Variants in ANKRD52 observed in about 807,000 individuals in gnomAD.
The protein encoded by ANKRD52 is serine/threonine-protein phosphatase 6 regulatory ankyrin repeat subunit C.
In ANKRD52, 7 loss-of-function variants were observed where a neutral mutation model predicts 116.0. The observed-to-expected ratio is 0.06, with a 90% CI of 0.03 to 0.11. The LOEUF (loss-of-function observed/expected upper bound fraction) is 0.11, where lower values mean the gene tolerates loss of function less well. Ranked by LOEUF, ANKRD52 falls within the 10% of genes least tolerant of loss-of-function variation. The pLI, the probability that ANKRD52 is intolerant of heterozygous loss-of-function variation, is 1.00. For synonymous variants in ANKRD52, 528 were observed against 578.1 expected (o/e 0.91, Z 1.24); for missense variants, 839 against 1,408.6 (o/e 0.60, Z 6.47).
rs1282496195 is a variant in ANKRD52 at position 56,239,384 on chromosome 12, C to G, written c.*3758G>C. On this transcript the variant is annotated 3_prime_UTR_variant, in exon 28 of 28. Coordinates refer to ENST00000267116, the MANE Select transcript of ANKRD52 (RefSeq NM_173595.4). ...AGGGGCTGCTTTGTTCCTTATCCCT[C>G]CTTCTTAAAAGGTAGGGTTCAAACT... is the stretch of plus-strand genomic sequence containing the variant. The G allele has an allele frequency of 6.6e-6, 1 of 152,260 alleles. No individual in the cohort carries two copies. The highest frequency in any genetic ancestry group is 1.5e-5 in the Non-Finnish European group (1 of 68,072). 9.4% of individuals were successfully genotyped at this position (152,260 alleles called of 1,614,324 possible).
At chr12:56,256,057 G>A (rs532529683) in intron 4 of ANKRD52, 73 bp from the exon 5 acceptor site, 13 of 1,434,380 alleles carry the variant, frequency 9.1e-6, no homozygotes, top group Non-Finnish European at 1.2e-5. Context: ...AGGAGGAATA[G>A]GTCAGCATAG....
rs1249320180 is a variant in ANKRD52, at chr12:56,255,759, G to A, written c.462+25C>T. 6.5e-7 allele frequency: 1 copy of A among 1,534,628 alleles called. No homozygotes were observed. The highest frequency in any genetic ancestry group is 1.9e-5 in the Admixed American group (1 of 52,284). On this transcript the variant is annotated intron_variant, in intron 5 of 27. Coordinates refer to ENST00000267116, the MANE Select transcript of ANKRD52 (RefSeq NM_173595.4). The surrounding 1 kb of genome is among the most constrained non-coding windows in gnomAD (Gnocchi z 4.3). ...GGTAAGAAAAGGGAAAGCCCCAGCT[G>A]GGCCTGGATGGGAACAGTCCTCACC...
In ANKRD52 at chr12:56,255,723, G is replaced by A. The variant is rs1337584608; in HGVS notation, c.462+61C>T. On this transcript the variant is annotated intron_variant, in intron 5 of 27. Transcript: ENST00000267116. The surrounding 1 kb of genome is among the most constrained non-coding windows in gnomAD (Gnocchi z 4.3). ...CTTGAGGGCCCAGAAGCAGGGAAAC[G>A]TGAGTAGGAAGGTAAGAAAAGGGAA... 6.8e-6 allele frequency: 10 copies of A among 1,478,878 alleles called. No individual in the cohort carries two copies. The highest frequency in any genetic ancestry group is 3.7e-5 in the South Asian group (3 of 80,622). 91.6% of individuals were successfully genotyped at this position (1,478,878 alleles called of 1,614,324 possible). A position where few individuals can be genotyped will look rare whatever the true frequency, so the allele number is the denominator to read the frequency against.
At position 56,237,881 on chromosome 12, in the gene ANKRD52, A is replaced by G. The variant is rs1870985869; in HGVS notation, c.*5261T>C. The G allele has an allele frequency of 9.7e-7, 1 of 1,032,070 alleles. No individual in the cohort carries two copies. Among genetic ancestry groups the G allele is most frequent in the South Asian group, 1.9e-5 (1 of 52,120 alleles). The allele number at this position is 1,032,070 out of a possible 1,614,324, so 63.9% of individuals were successfully genotyped here. ...ACGACAGTTGTACTTGCACCAAAAC[A>G]GCATAGAAAACCAGAGTGTGGTGGG... On this transcript the variant is annotated 3_prime_UTR_variant, in exon 28 of 28. Transcript: ENST00000267116.
Position 56,253,453 on chromosome 12 carries a change from C to T in ANKRD52, c.986-51G>A. 7.0e-7 allele frequency: 1 copy of T among 1,428,224 alleles called. No homozygotes were observed. The highest frequency in any genetic ancestry group is 9.8e-7 in the Non-Finnish European group (1 of 1,017,260). The allele number at this position is 1,428,224 out of a possible 1,614,324, so 88.5% of individuals were successfully genotyped here. On this transcript the variant is annotated intron_variant, in intron 9 of 27. Transcript: ENST00000267116. This position sits in a 1 kb window ranked among gnomAD's most constrained non-coding sequence, Gnocchi z 5.5. ...CTCAGGCAGACCTCAGGCTTAAGAC[C>T]ACTTTCGCGAGCTAGCCATGATTTG... is the stretch of plus-strand genomic sequence containing the variant.
At chr12:56,250,252 A>G (rs1871622953) in intron 15 of ANKRD52, among the ~76,000 whole-genome samples, 1 of 151,662 alleles carries the variant, frequency 6.6e-6, no homozygotes. Flanking sequence ...TAAAATAGAG[A>G]TGAGTTCTCA....
rs1592385368 is a variant in ANKRD52 at position 56,241,872 on chromosome 12, T to C, written c.*1270A>G. Reference sequence around the variant, plus strand: ...TTGGGGTGCGACTTTAGAAATCTTATCAGTGCAGCCCCCAGCTCAATCCCA... The same window carrying C: ...TTGGGGTGCGACTTTAGAAATCTTACCAGTGCAGCCCCCAGCTCAATCCCA... On this transcript the variant is annotated 3_prime_UTR_variant, in exon 28 of 28. Transcript: ENST00000267116. The C allele has an allele frequency of 2.5e-6, 1 of 397,798 alleles. No homozygotes were observed. Among genetic ancestry groups the C allele is most frequent in the Non-Finnish European group, 4.4e-6 (1 of 226,030 alleles). The allele number at this position is 397,798 out of a possible 1,614,324, so 24.6% of individuals were successfully genotyped here. A position where few individuals can be genotyped will look rare whatever the true frequency, so the allele number is the denominator to read the frequency against.
At position 56,252,703 on chromosome 12, in the gene ANKRD52, T is replaced by C. The variant is rs151249716; in HGVS notation, c.1301+77A>G. On this transcript the variant is annotated intron_variant, in intron 12 of 27. Transcript: ENST00000267116. The surrounding 1 kb of genome is among the most constrained non-coding windows in gnomAD (Gnocchi z 4.7). ...TTCATTGTGAGAGGGGGAATAGATCTGGGCAGGCAAGAATGAGGGGCCCAG... is the reference window on the plus strand; with the variant it reads ...TTCATTGTGAGAGGGGGAATAGATCCGGGCAGGCAAGAATGAGGGGCCCAG... The C allele has an allele frequency of 1.7e-3, 2,604 of 1,551,966 alleles. 41 individuals are homozygous for C. In the African/African-American group the frequency reaches 0.031, roughly 19 times the overall value.
At chr12:56,250,208 T>C (rs1343011433) in intron 15 of ANKRD52, among the ~76,000 whole-genome samples, 1 of 151,408 alleles carries the variant, frequency 6.6e-6, no homozygotes, top group Non-Finnish European at 1.5e-5. Context: ...AATAAATAAA[T>C]AAATTAATTA....
At chr12:56,245,688 T>G in intron 20 of ANKRD52, 92 bp from the exon 21 acceptor site, 1 of 965,112 alleles carries the variant, frequency 1.0e-6, no homozygotes, top group Non-Finnish European at 1.5e-6. Context: ...AAGAACCACT[T>G]CCAGGGCTCC....
Position 56,253,573 on chromosome 12 carries a change from G to T in ANKRD52, c.985+149C>A. ...AGGAGACTGGGCAGGGCAGAGCAGG[G>T]CCATTTCCACAGGTCCCTTGGTCAG... On this transcript the variant is annotated intron_variant, in intron 9 of 27. Transcript: ENST00000267116. This position sits in a 1 kb window ranked among gnomAD's most constrained non-coding sequence, Gnocchi z 5.5. 2 of 968,690 alleles carry T rather than the reference G, an allele frequency of 2.1e-6. No homozygotes were observed. Among genetic ancestry groups the T allele is most frequent in the South Asian group, 1.6e-5 (1 of 62,864 alleles). The allele number at this position is 968,690 out of a possible 1,614,324, so 60.0% of individuals were successfully genotyped here.
In ANKRD52 at chr12:56,255,805, T is replaced by C. The variant is rs753342340; in HGVS notation, c.441A>G (p.Ala147=). 2.5e-6 allele frequency: 4 copies of C among 1,581,364 alleles called. No homozygotes were observed. The African/African-American group carries it at 5.4e-5, about 21-fold the overall frequency. The part of the protein sequence containing the change: ...DRSGRSALHH[A]VHSGHLETVN... ...TCACCTCAAGATGCCCACTATGCAC[T>C]GCATGGTGCAGAGCACTGCGCCCGC... The change falls in exon 5 of 28, where the codon GCA becomes GCG. Residue 147 remains alanine, a synonymous_variant. Coordinates refer to ENST00000267116, the MANE Select transcript of ANKRD52 (RefSeq NM_173595.4). The surrounding 1 kb of genome is among the most constrained non-coding windows in gnomAD (Gnocchi z 4.3).
rs947620128 is a variant in ANKRD52, at chr12:56,254,814, C to T, written c.550+51G>A. On this transcript the variant is annotated intron_variant, in intron 6 of 27. Transcript: ENST00000267116. The surrounding 1 kb of genome is among the most constrained non-coding windows in gnomAD (Gnocchi z 4.6). Reference sequence around the variant, plus strand: ...AAGGCTGCAACCCCACATCCCTGCCCTAGGAATCCTAAATGTCAAATTTCT... The same window carrying T: ...AAGGCTGCAACCCCACATCCCTGCCTTAGGAATCCTAAATGTCAAATTTCT... 1 of 1,604,250 alleles carries T rather than the reference C, an allele frequency of 6.2e-7. No individual in the cohort carries two copies.
Position 56,245,135 on chromosome 12 carries a change from T to C in ANKRD52, c.2460A>G (p.Glu820=). The part of the protein sequence containing the change: ...LLEHSPFSYL[E]GNPFTPLHCA... ...AGTGCAAAGGAGTGAAGGGGTTTCC[T>C]TCCAGGTACGAAAACGGGCTGTGTT... The change falls in exon 22 of 28, where the codon GAA becomes GAG. Residue 820 remains glutamate, a synonymous_variant. Coordinates refer to ENST00000267116, the MANE Select transcript of ANKRD52 (RefSeq NM_173595.4). The C allele has an allele frequency of 2.5e-6, 4 of 1,613,978 alleles. No homozygotes were observed. Among genetic ancestry groups the C allele is most frequent in the Non-Finnish European group, 3.4e-6 (4 of 1,179,880 alleles).
intron 18 of ANKRD52, 96 bp from the exon 19 acceptor site, chr12:56,247,870 C>A: frequency 1.4e-6 from 2 of 1,418,492 alleles, no homozygotes; most frequent in South Asian, 2.5e-5. Context: ...ACAGAAAGAC[C>A]TGGGCCAGGG....
chr12:56,246,919 CAATAATAATAATAATAAT>C (rs374443069), intron 20 of ANKRD52, among the ~76,000 whole-genome samples: 1,396 of 125,480 alleles, frequency 0.011, 10 homozygotes, highest in African/African-American at 0.012. Context: ...GACTCTATCT[CAATAATAATAATAATAAT>C]AATAATAATA....
chr12:56,249,006 C>G, intron 15 of ANKRD52, 136 bp from the exon 16 acceptor site: 1 of 586,312 alleles, frequency 1.7e-6, no homozygotes, highest in Non-Finnish European at 3.0e-6. Context: ...TAGGTAGGTT[C>G]TCTAAATCCT....
Position 56,252,702 on chromosome 12 carries a change from C to T in ANKRD52, c.1301+78G>A. Reference sequence around the variant, plus strand: ...TTTCATTGTGAGAGGGGGAATAGATCTGGGCAGGCAAGAATGAGGGGCCCA... The same window carrying T: ...TTTCATTGTGAGAGGGGGAATAGATTTGGGCAGGCAAGAATGAGGGGCCCA... On this transcript the variant is annotated intron_variant, in intron 12 of 27. Coordinates refer to ENST00000267116, the MANE Select transcript of ANKRD52 (RefSeq NM_173595.4). The surrounding 1 kb of genome is among the most constrained non-coding windows in gnomAD (Gnocchi z 4.7). The T allele has an allele frequency of 6.4e-7, 1 of 1,550,508 alleles. No homozygotes were observed. The highest frequency in any genetic ancestry group is 1.1e-5 in the South Asian group (1 of 89,328).
Position 56,248,308 on chromosome 12 carries a change from G to A in ANKRD52, c.1777-84C>T, listed in dbSNP as rs1025100871. 11 of 1,537,132 alleles carry A rather than the reference G, an allele frequency of 7.2e-6. No individual in the cohort carries two copies. Among genetic ancestry groups the A allele is most frequent in the Non-Finnish European group, 9.8e-6 (11 of 1,119,870 alleles). Reference sequence around the variant, plus strand: ...CCCTTCTCTGCTCTTGGGGTCCCTGGGAAGCTCAAGGTCTTAGTCCTTGAC... The same window carrying A: ...CCCTTCTCTGCTCTTGGGGTCCCTGAGAAGCTCAAGGTCTTAGTCCTTGAC... On this transcript the variant is annotated intron_variant, in intron 17 of 27. Coordinates refer to ENST00000267116, the MANE Select transcript of ANKRD52 (RefSeq NM_173595.4). This position sits in a 1 kb window ranked among gnomAD's most constrained non-coding sequence, Gnocchi z 5.1.
Sources: gnomAD v4.1 joint callset for allele counts (sites outside exome capture counted in the v4.1 genomes callset) on GRCh38, gnomAD v4.1.1 for gene constraint, Gnocchi (gnomAD v3.1) non-coding constraint, MANE v1.5 for transcripts, NCBI Gene and HGNC (gene_info 2026-07-23, HGNC 2026-07-21) for gene names.